Variants in CDH20 observed in about 807,000 individuals in gnomAD.
The protein encoded by CDH20 is cadherin 20, also known as cadherin-20.
In CDH20, 29 loss-of-function variants were observed where a neutral mutation model predicts 74.2. The observed-to-expected ratio is 0.39, with a 90% CI of 0.29 to 0.53. CDH20 has a LOEUF of 0.53. Ranked by LOEUF, CDH20 falls within the 20% of genes least tolerant of loss-of-function variation. The pLI, the probability that CDH20 is intolerant of heterozygous loss-of-function variation, is 0.69. For missense variants in CDH20, 988 were observed against 1,048.3 expected (o/e 0.94, Z 0.79); for synonymous variants, 469 against 405.4 (o/e 1.16, Z -1.88).
intron 1 of CDH20, among the ~76,000 whole-genome samples, chr18:61,400,643 G>T (rs1912126114): frequency 6.6e-6 from 1 of 152,194 alleles, no homozygotes; most frequent in South Asian, 2.1e-4. Context: ...TGTGTCGAAA[G>T]TGCTTCTGCC....
At chr18:61,517,662 G>C (rs1338383242) in intron 6 of CDH20, among the ~76,000 whole-genome samples, 1 of 151,878 alleles carries the variant, frequency 6.6e-6, no homozygotes, top group Admixed American at 6.6e-5. Flanking sequence ...CTGGGCAGCT[G>C]TTTGAGCAGA....
intron 3 of CDH20, 105 bp from the exon 4 acceptor site, chr18:61,500,278 A>C (rs1198973581): frequency 2.5e-5 from 30 of 1,220,388 alleles, no homozygotes; most frequent in Admixed American, 1.1e-4. Context: ...GGACTCTCCC[A>C]ATGAAGCAAA....
intron 6 of CDH20, among the ~76,000 whole-genome samples, chr18:61,526,587 C>A (rs1258316518): frequency 1.3e-5 from 2 of 152,066 alleles, no homozygotes; most frequent in African/African-American, 2.4e-5. Context: ...TTCTGAAATA[C>A]TTGTTGCTTA....
intron 1 of CDH20, among the ~76,000 whole-genome samples, chr18:61,469,829 A>T (rs79623360): frequency 0.011 from 1,716 of 152,336 alleles, 31 homozygotes; most frequent in African/African-American, 0.038. Context: ...ATACATACAC[A>T]CATGCTTACT....
Position 61,516,656 on chromosome 18 carries a change from A to G in CDH20, c.1017+9096A>G, listed in dbSNP as rs146761979. 2.8e-3 allele frequency among the ~76,000 whole-genome samples: 421 copies of G among 152,276 alleles called. 1 individual carries two copies. Among genetic ancestry groups the G allele is most frequent in the African/African-American group, 9.8e-3 (409 of 41,578 alleles). Reference sequence around the variant, plus strand: ...TTTTCTATTATGAATACAGAAATAAATAATTATTTGATATTTAAAATAAAA... The same window carrying G: ...TTTTCTATTATGAATACAGAAATAAGTAATTATTTGATATTTAAAATAAAA... On this transcript the variant is annotated intron_variant, in intron 6 of 11. Coordinates refer to ENST00000262717, the MANE Select transcript of CDH20 (RefSeq NM_031891.4).
intron 9 of CDH20, among the ~76,000 whole-genome samples, chr18:61,543,725 ACT>A (rs1913124984): frequency 6.6e-6 from 1 of 151,918 alleles, no homozygotes; most frequent in Non-Finnish European, 1.5e-5. Flanking sequence ...ACAAAATGTG[ACT>A]CTCTGTGACC....
intron 1 of CDH20, among the ~76,000 whole-genome samples, chr18:61,486,973 T>C (rs1168109232): frequency 2.0e-5 from 3 of 152,232 alleles, no homozygotes; most frequent in Non-Finnish European, 2.9e-5. Flanking sequence ...ACATTTTAAA[T>C]ATCACAACGA....
At chr18:61,372,815 C>T (rs950534219) in intron 1 of CDH20, among the ~76,000 whole-genome samples, 5 of 152,094 alleles carry the variant, frequency 3.3e-5, no homozygotes, top group African/African-American at 1.2e-4. Context: ...GGTATTTCCT[C>T]TCTGGCCCCT....
At chr18:61,495,482 T>C (rs1411220992) in intron 2 of CDH20, among the ~76,000 whole-genome samples, 1 of 152,330 alleles carries the variant, frequency 6.6e-6, no homozygotes, top group South Asian at 2.1e-4. Context: ...AGGTAGGTTC[T>C]GCCTGCCGGT....
chr18:61,502,561 A>G (rs565071950), intron 4 of CDH20, among the ~76,000 whole-genome samples: 2 of 152,300 alleles, frequency 1.3e-5, no homozygotes, highest in African/African-American at 4.8e-5. Flanking sequence ...ATCTAAATTC[A>G]CAGATTTGTA....
In CDH20 at chr18:61,545,049, T is replaced by C. The variant is rs1239442005; in HGVS notation, c.1553T>C (p.Val518Ala). 2.5e-6 allele frequency: 4 copies of C among 1,613,544 alleles called. No individual in the cohort carries two copies. Among genetic ancestry groups the C allele is most frequent in the South Asian group, 1.1e-5 (1 of 91,068 alleles). ...CAGCTGATCCAGACAGTGAGTGCGGTGGACCAAGATGACCCACGCAATGGT... is the reference window on the plus strand; with the variant it reads ...CAGCTGATCCAGACAGTGAGTGCGGCGGACCAAGATGACCCACGCAATGGT... ...AGQLIQTVSA[V>A]DQDDPRNGQH... Residue 518 changes from valine (V) to alanine (A), a missense_variant, in exon 10 of 12, where the codon GTG becomes GCG. Around this residue, in one of 2 missense-constraint regions of CDH20, gnomAD observed 613 missense variants for 755.2 expected, o/e 0.81. Coordinates refer to ENST00000262717, the MANE Select transcript of CDH20 (RefSeq NM_031891.4).
chr18:61,525,381 G>A (rs1223916601), intron 6 of CDH20, among the ~76,000 whole-genome samples: 2 of 152,100 alleles, frequency 1.3e-5, no homozygotes, highest in African/African-American at 4.8e-5. Context: ...GTCCACAACT[G>A]TGTTACAAAT....
chr18:61,364,268 A>C (rs897240429), intron 1 of CDH20, among the ~76,000 whole-genome samples: 1 of 152,084 alleles, frequency 6.6e-6, no homozygotes, highest in Admixed American at 6.5e-5. Context: ...CCCTGAATAG[A>C]TTAGCGTCCT....
intron 6 of CDH20, among the ~76,000 whole-genome samples, chr18:61,525,086 G>A (rs1049834924): frequency 1.3e-5 from 2 of 151,442 alleles, no homozygotes. Flanking sequence ...TTTGCCAGGG[G>A]CTGGGTGGGA....
intron 7 of CDH20, among the ~76,000 whole-genome samples, chr18:61,535,327 AG>A (rs1259700079): frequency 2.6e-5 from 4 of 152,158 alleles, no homozygotes; most frequent in Admixed American, 2.0e-4. Flanking sequence ...GAAAAAAAAA[AG>A]AATTAAAAAA....
intron 1 of CDH20, among the ~76,000 whole-genome samples, chr18:61,480,057 G>A (rs1910533353): frequency 6.6e-6 from 1 of 152,152 alleles, no homozygotes; most frequent in Non-Finnish European, 1.5e-5. Flanking sequence ...TGTGAATATA[G>A]TCTTATAGTG....
chr18:61,475,073 T>C (rs1344799172), intron 1 of CDH20, among the ~76,000 whole-genome samples: 1 of 152,176 alleles, frequency 6.6e-6, no homozygotes, highest in Admixed American at 6.6e-5. Flanking sequence ...TAGAGACGTT[T>C]AGCAGGTGAG....
intron 1 of CDH20, among the ~76,000 whole-genome samples, chr18:61,362,767 T>C (rs1249484905): frequency 6.6e-6 from 1 of 152,160 alleles, no homozygotes; most frequent in East Asian, 1.9e-4. Flanking sequence ...CTAACTACTA[T>C]GACATAGTAG....
At chr18:61,546,564 T>C (rs948242014) in intron 10 of CDH20, among the ~76,000 whole-genome samples, 1 of 152,200 alleles carries the variant, frequency 6.6e-6, no homozygotes, top group Admixed American at 6.5e-5. Context: ...CAACCTAGGA[T>C]TGGCTTTACA....
Sources: allele counts gnomAD v4.1 joint callset (sites outside exome capture counted in the v4.1 genomes callset), GRCh38; gene constraint gnomAD v4.1.1; regional missense constraint gnomAD v4.1.1; transcripts MANE v1.5; gene names NCBI Gene and HGNC (gene_info 2026-07-23, HGNC 2026-07-21).